CPNE4: variants seen among roughly 807,000 people sequenced by gnomAD.
CPNE4 encodes copine 4.
Under a neutral mutation model 67.9 loss-of-function variants are expected in CPNE4, and 25 were observed. That is an observed-to-expected ratio of 0.37 (90% CI 0.27 to 0.51). The LOEUF is 0.51. Ranked by LOEUF, CPNE4 falls within the 20% of genes least tolerant of loss-of-function variation. CPNE4 has a pLI of 0.93. For missense variants in CPNE4, 464 were observed against 690.8 expected (o/e 0.67, Z 3.68); for synonymous variants, 242 against 244.9 (o/e 0.99, Z 0.11).
rs950270812 is a variant in CPNE4 at position 131,636,046 on chromosome 3, A to C, written c.681+33629T>G. ...CAGTGAGCCGAGATCCCGCCACTGCACTCCAGCCTGGGCGACAGAGCGAGA... is the reference window on the plus strand; with the variant it reads ...CAGTGAGCCGAGATCCCGCCACTGCCCTCCAGCCTGGGCGACAGAGCGAGA... On this transcript the variant is annotated intron_variant, in intron 7 of 15. Transcript: ENST00000429747. Among the ~76,000 whole-genome samples, 411 of 89,742 alleles carry C rather than the reference A, an allele frequency of 4.6e-3. 56 individuals carry two copies. The highest frequency in any genetic ancestry group is 4.4e-3 in the Non-Finnish European group (233 of 52,626). 58.9% of individuals were successfully genotyped at this position (89,742 alleles called of 152,430 possible).
At chr3:131,854,897 G>C (rs931764936) in intron 2 of CPNE4, among the ~76,000 whole-genome samples, 1 of 150,764 alleles carries the variant, frequency 6.6e-6, no homozygotes, top group South Asian at 2.1e-4. Context: ...TATTTGAACA[G>C]TACCATTTCA....
intron 1 of CPNE4, among the ~76,000 whole-genome samples, chr3:132,012,358 G>T (rs79908667): frequency 0.19 from 28,506 of 151,888 alleles, 3,458 homozygotes; most frequent in East Asian, 0.39. Flanking sequence ...TAGTAGAGAC[G>T]GTGTTTCACT....
At chr3:131,755,376 G>C (rs571799188) in intron 2 of CPNE4, among the ~76,000 whole-genome samples, 1 of 152,144 alleles carries the variant, frequency 6.6e-6, no homozygotes, top group South Asian at 2.1e-4. Flanking sequence ...ACAGCCATAC[G>C]GACCTGTGAC....
intron 11 of CPNE4, among the ~76,000 whole-genome samples, chr3:131,559,265 T>C (rs1042928518): frequency 1.3e-5 from 2 of 152,042 alleles, no homozygotes; most frequent in African/African-American, 4.8e-5. Flanking sequence ...TGAGTAATAC[T>C]GCTAGACAAG....
intron 7 of CPNE4, chr3:131,620,619 A>C (rs1461962948): frequency 8.5e-6 from 2 of 234,152 alleles, no homozygotes; most frequent in Non-Finnish European, 1.4e-5. Flanking sequence ...TGAGACAAGA[A>C]TAGAAGCCCA....
chr3:131,594,351 C>T lies in CPNE4; in HGVS notation c.682-6769G>A, dbSNP rs558823231. 9.4e-4 allele frequency among the ~76,000 whole-genome samples: 143 copies of T among 152,132 alleles called. 1 individual carries two copies. The highest frequency in any genetic ancestry group is 3.4e-3 in the Middle Eastern group (1 of 294). ...TATTGTTTATTGGCATAAAGATAGG[C>T]AAATAGACCAATAGAACAGAATAGA... On this transcript the variant is annotated intron_variant, in intron 7 of 15. Transcript: ENST00000429747.
chr3:131,718,046 T>C (rs2081781052), intron 3 of CPNE4, among the ~76,000 whole-genome samples: 1 of 151,662 alleles, frequency 6.6e-6, no homozygotes, highest in African/African-American at 2.4e-5. Flanking sequence ...CACTGTTGCC[T>C]GGGCTGGGCA....
intron 1 of CPNE4, among the ~76,000 whole-genome samples, chr3:132,022,846 C>T (rs995211224): frequency 6.6e-6 from 1 of 152,158 alleles, no homozygotes; most frequent in Admixed American, 6.5e-5. Flanking sequence ...TCTGCTACAT[C>T]CATATAATCA....
At chr3:131,854,503 T>C (rs1221971650) in intron 2 of CPNE4, among the ~76,000 whole-genome samples, 3 of 151,910 alleles carry the variant, frequency 2.0e-5, no homozygotes, top group African/African-American at 7.2e-5. Flanking sequence ...AATCAGTTTG[T>C]GCTCCTGGAC....
chr3:131,876,503 G>A (rs1004868233), intron 2 of CPNE4, among the ~76,000 whole-genome samples: 12 of 151,338 alleles, frequency 7.9e-5, no homozygotes, highest in Admixed American at 6.6e-4. Context: ...TTAGCCAGAT[G>A]TGGTGGCGGG....
At chr3:131,972,212 A>G (rs2072521813) in intron 1 of CPNE4, among the ~76,000 whole-genome samples, 1 of 152,184 alleles carries the variant, frequency 6.6e-6, no homozygotes, top group Non-Finnish European at 1.5e-5. Flanking sequence ...AGCCAATGAA[A>G]ATACTAAGGG....
At chr3:131,596,726 C>CTGAGGCTTTT (rs1189433585) in intron 7 of CPNE4, among the ~76,000 whole-genome samples, 3 of 150,256 alleles carry the variant, frequency 2.0e-5, no homozygotes, top group Admixed American at 6.6e-5. Flanking sequence ...AAAAGCAGCA[C>CTGAGGCTTTT]TGAGGCTTTT....
At chr3:131,966,998 A>G (rs76047088) in intron 1 of CPNE4, among the ~76,000 whole-genome samples, 7,682 of 152,292 alleles carry the variant, frequency 0.05, 591 homozygotes, top group African/African-American at 0.17. Context: ...AGCTGAATCC[A>G]GCAGCACATC....
chr3:131,958,510 A>G (rs1411463519), intron 1 of CPNE4, among the ~76,000 whole-genome samples: 3 of 151,672 alleles, frequency 2.0e-5, no homozygotes, highest in East Asian at 1.9e-4. Context: ...ACACTGCACT[A>G]TCTCAGACTC....
chr3:131,541,089 G>T (rs143733302), intron 15 of CPNE4, among the ~76,000 whole-genome samples: 3 of 152,260 alleles, frequency 2.0e-5, no homozygotes, highest in East Asian at 3.9e-4. Context: ...GGAAAGTAGG[G>T]GCTGGGCATA....
intron 7 of CPNE4, among the ~76,000 whole-genome samples, chr3:131,658,756 G>C (rs1050065499): frequency 2.0e-5 from 3 of 152,174 alleles, no homozygotes; most frequent in African/African-American, 7.2e-5. Flanking sequence ...TTGCTTCAAG[G>C]ACTCTTTCTT....
At chr3:131,634,929 G>T (rs960039430) in intron 7 of CPNE4, among the ~76,000 whole-genome samples, 1 of 151,962 alleles carries the variant, frequency 6.6e-6, no homozygotes. Context: ...CACATCAAAT[G>T]GTACTCAGAT....
intron 2 of CPNE4, among the ~76,000 whole-genome samples, chr3:131,771,726 C>G (rs2083171401): frequency 6.6e-6 from 1 of 152,060 alleles, no homozygotes; most frequent in South Asian, 2.1e-4. Flanking sequence ...TAGCAACACA[C>G]AAACAGATTA....
intron 1 of CPNE4, among the ~76,000 whole-genome samples, chr3:131,912,724 G>T (rs901565061): frequency 3.3e-5 from 5 of 152,132 alleles, no homozygotes; most frequent in Non-Finnish European, 7.4e-5. Context: ...AGAGATGGAG[G>T]CATAAATGAG....
Sources: allele counts gnomAD v4.1 joint callset (sites outside exome capture counted in the v4.1 genomes callset), GRCh38; gene constraint gnomAD v4.1.1; transcripts MANE v1.5; gene names NCBI Gene and HGNC (gene_info 2026-07-23, HGNC 2026-07-21).